DIS3L2: variants seen among roughly 807,000 people sequenced by gnomAD.
The protein encoded by DIS3L2 is DIS3 like 3'-5' exoribonuclease 2, also known as DIS3-like exonuclease 2.
Under a neutral mutation model 97.5 loss-of-function variants are expected in DIS3L2, and 34 were observed. The ratio of observed to expected loss-of-function variants is 0.35; its 90% CI spans 0.27 to 0.46. The LOEUF (loss-of-function observed/expected upper bound fraction) is 0.46, where lower values mean the gene tolerates loss of function less well. Among genes scored for constraint, DIS3L2 ranks in the 20% least tolerant of loss-of-function variants. The pLI is 1.00. For synonymous variants in DIS3L2, 435 were observed against 445.2 expected, an observed-to-expected ratio of 0.98 and a Z score of 0.29; for missense variants, 1,038 against 1,146.0, an observed-to-expected ratio of 0.91 and a Z score of 1.36.
At chr2:232,112,154 G>A (rs1190634503) in intron 6 of DIS3L2, among the ~76,000 whole-genome samples, 1 of 152,176 alleles carries the variant, frequency 6.6e-6, no homozygotes, top group Non-Finnish European at 1.5e-5. Context: ...GTAATTGAGG[G>A]AGAGGGCTTC....
At chr2:232,020,918 T>C (rs1694494316) in intron 3 of DIS3L2, among the ~76,000 whole-genome samples, 1 of 152,174 alleles carries the variant, frequency 6.6e-6, no homozygotes, top group South Asian at 2.1e-4. Context: ...GAGCGTCTGT[T>C]ATTCAGGTTA....
chr2:232,329,800 C>CCCCCCCCCT lies in DIS3L2; in HGVS notation c.1740-12_1740-11insCCCCCCCTC. 1 of 1,370,328 alleles carries CCCCCCCCCT rather than the reference C, an allele frequency of 7.3e-7. No individual in the cohort carries two copies. Among genetic ancestry groups the CCCCCCCCCT allele is most frequent in the East Asian group, 2.9e-5 (1 of 34,990 alleles). The allele number at this position is 1,370,328 out of a possible 1,614,324, so 84.9% of individuals were successfully genotyped here. ...ACCCCAGCGGTCCCTCCCATCCCAC[C>CCCCCCCCCT]CACCCTCTGCAGGCTCGTGGAGGAG... On this transcript the variant is annotated splice_polypyrimidine_tract_variant and intron_variant, in intron 14 of 20. Transcript: ENST00000325385.
intron 9 of DIS3L2, among the ~76,000 whole-genome samples, chr2:232,165,306 A>G (rs1690770929): frequency 6.6e-6 from 1 of 152,224 alleles, no homozygotes; most frequent in African/African-American, 2.4e-5. Context: ...TATGAATATG[A>G]GCCTATATTT....
chr2:232,263,451 G>GT lies in DIS3L2; in HGVS notation c.1659+18dup, dbSNP rs1693773339. 13 of 1,613,868 alleles carry GT rather than the reference G, an allele frequency of 8.1e-6. No individual in the cohort carries two copies. The highest frequency in any genetic ancestry group is 1.1e-5 in the Non-Finnish European group (13 of 1,179,832). ...CTTCGTTTGGATCAGGTCAGTACGT[G>GT]TTTTTTTAGTGTAGCCAACAGATTT... On this transcript the variant is annotated intron_variant, in intron 13 of 20. Coordinates refer to ENST00000325385, the MANE Select transcript of DIS3L2 (RefSeq NM_152383.5).
chr2:232,199,395 A>G (rs1328732655), intron 9 of DIS3L2, among the ~76,000 whole-genome samples: 1 of 152,192 alleles, frequency 6.6e-6, no homozygotes, highest in Non-Finnish European at 1.5e-5. Flanking sequence ...GTGATTCCTA[A>G]CAGGTAGAGC....
At chr2:231,977,414 A>G (rs1276123480) in intron 1 of DIS3L2, among the ~76,000 whole-genome samples, 1 of 152,214 alleles carries the variant, frequency 6.6e-6, no homozygotes, top group Non-Finnish European at 1.5e-5. Context: ...AGAAGTCAGC[A>G]TACTTCATGC....
At chr2:232,147,221 T>G (rs1307997344) in intron 8 of DIS3L2, among the ~76,000 whole-genome samples, 1 of 152,150 alleles carries the variant, frequency 6.6e-6, no homozygotes, top group Non-Finnish European at 1.5e-5. Flanking sequence ...TCCTCCCACC[T>G]CAGCCTCCCA....
intron 8 of DIS3L2, among the ~76,000 whole-genome samples, chr2:232,148,749 T>TTTC (rs1553611304): frequency 1.4e-3 from 4 of 2,908 alleles, no homozygotes; most frequent in Non-Finnish European, 2.7e-3. Context: ...ATTTTCTTTC[T>TTTC]TTTTTTTTTT....
intron 1 of DIS3L2, among the ~76,000 whole-genome samples, chr2:231,985,972 A>C (rs1559516474): frequency 6.6e-6 from 1 of 152,202 alleles, no homozygotes; most frequent in East Asian, 1.9e-4. Flanking sequence ...TGCGTCTAGA[A>C]CAAGTCGGGT....
chr2:232,173,010 T>C (rs1045141784), intron 9 of DIS3L2, among the ~76,000 whole-genome samples: 2 of 152,178 alleles, frequency 1.3e-5, no homozygotes, highest in Admixed American at 1.3e-4. Flanking sequence ...ATAAGTGTAG[T>C]TTCTGTATTC....
At chr2:232,243,684 A>G (rs1043148336) in intron 11 of DIS3L2, among the ~76,000 whole-genome samples, 2 of 152,212 alleles carry the variant, frequency 1.3e-5, no homozygotes, top group African/African-American at 4.8e-5. Flanking sequence ...GTTACTTCAA[A>G]TTGTAGTTTC....
intron 10 of DIS3L2, among the ~76,000 whole-genome samples, chr2:232,212,174 C>T (rs16828676): frequency 0.03 from 4,585 of 152,328 alleles, 212 homozygotes; most frequent in African/African-American, 0.1. Flanking sequence ...TTAGCAATCT[C>T]TGTTGCATGC....
At chr2:232,189,008 CA>C (rs1247291325) in intron 9 of DIS3L2, among the ~76,000 whole-genome samples, 3 of 152,114 alleles carry the variant, frequency 2.0e-5, no homozygotes, top group African/African-American at 7.2e-5. Flanking sequence ...ATTAAATTCA[CA>C]ATATCAATAC....
intron 6 of DIS3L2, among the ~76,000 whole-genome samples, chr2:232,095,020 C>T (rs1696964658): frequency 6.6e-6 from 1 of 152,008 alleles, no homozygotes; most frequent in South Asian, 2.1e-4. Context: ...TTTTCCATCC[C>T]TTTATTTTCA....
chr2:232,321,536 C>T (rs928206320), intron 14 of DIS3L2, among the ~76,000 whole-genome samples: 4 of 152,128 alleles, frequency 2.6e-5, no homozygotes, highest in South Asian at 2.1e-4. Flanking sequence ...CCTCCTGACC[C>T]GGAGGCCCAG....
chr2:232,072,386 G>A (rs915213222), intron 5 of DIS3L2, among the ~76,000 whole-genome samples: 2 of 152,192 alleles, frequency 1.3e-5, no homozygotes, highest in Non-Finnish European at 2.9e-5. Flanking sequence ...AAGAGAGGAA[G>A]CTGTCCTTAT....
chr2:232,122,970 A>G (rs542876156), intron 6 of DIS3L2, among the ~76,000 whole-genome samples: 10 of 152,232 alleles, frequency 6.6e-5, no homozygotes, highest in Admixed American at 3.3e-4. Context: ...AGCTCATGCT[A>G]TCTGTCATGC....
At chr2:232,277,845 A>G (rs756996429) in intron 13 of DIS3L2, among the ~76,000 whole-genome samples, 2 of 152,228 alleles carry the variant, frequency 1.3e-5, no homozygotes, top group Non-Finnish European at 2.9e-5. Flanking sequence ...CCTAGTCTAC[A>G]GACCTGTACA....
intron 10 of DIS3L2, among the ~76,000 whole-genome samples, chr2:232,215,490 T>G (rs1043413959): frequency 1.2e-4 from 18 of 152,214 alleles, no homozygotes; most frequent in African/African-American, 4.3e-4. Flanking sequence ...GCCTGGATTG[T>G]CTCTGCAGCC....
Sources: allele counts gnomAD v4.1 joint callset (sites outside exome capture counted in the v4.1 genomes callset), GRCh38; gene constraint gnomAD v4.1.1; transcripts MANE v1.5; gene names NCBI Gene and HGNC (gene_info 2026-07-23, HGNC 2026-07-21).